PDE2A: variants seen among roughly 807,000 people sequenced by gnomAD.
The protein encoded by PDE2A is phosphodiesterase 2A, also known as cGMP-dependent 3',5'-cyclic phosphodiesterase.
A neutral mutation model predicts 133.6 loss-of-function variants in PDE2A; 53 were observed. That is an observed-to-expected ratio of 0.40 (90% confidence interval 0.32 to 0.50). The LOEUF (loss-of-function observed/expected upper bound fraction) is 0.50, where lower values mean the gene tolerates loss of function less well. Ranked by LOEUF, PDE2A falls within the 20% of genes least tolerant of loss-of-function variation. PDE2A has a pLI of 0.73. For missense variants in PDE2A, 796 were observed against 1,232.4 expected, an observed-to-expected ratio of 0.65 and a Z score of 5.30; for synonymous variants, 491 against 490.2, an observed-to-expected ratio of 1.00 and a Z score of -0.02.
At position 72,580,583 on chromosome 11, in the gene PDE2A, G is replaced by A. The variant is rs1194507850; in HGVS notation, c.2175C>T (p.Val725=). 1 of 1,568,026 alleles carries A rather than the reference G, an allele frequency of 6.4e-7. No homozygotes were observed. The highest frequency in any genetic ancestry group is 8.7e-7 in the Non-Finnish European group (1 of 1,155,168). ...TGGGACAGAAGAGTGATACCTCCAT[G>A]ACGGAGCCCTCAGAGCTGTAGAGCG... ...LAALYSSEGS[V]MERHHFAQAI... The change falls in exon 25 of 31, where the codon GTC becomes GTT. Residue 725 remains valine (V), a synonymous_variant. Coordinates refer to ENST00000334456, the MANE Select transcript of PDE2A (RefSeq NM_002599.5).
Position 72,597,689 on chromosome 11 carries a change from A to G in PDE2A, c.324-70T>C. ...GAGGAACGAGGCCTGGCCTGGGAAC[A>G]CAGGACAGTTTGGACCCTGCACATG... On this transcript the variant is annotated intron_variant, in intron 4 of 30. Coordinates refer to ENST00000334456, the MANE Select transcript of PDE2A (RefSeq NM_002599.5). The surrounding 1 kb of genome is among the most constrained non-coding windows in gnomAD (Gnocchi z 4.6). 1.9e-6 allele frequency: 2 copies of G among 1,054,998 alleles called. No individual in the cohort carries two copies. Among genetic ancestry groups the G allele is most frequent in the Non-Finnish European group, 1.4e-6 (1 of 696,038 alleles). The allele number at this position is 1,054,998 out of a possible 1,614,324, so 65.4% of individuals were successfully genotyped here. A position where few individuals can be genotyped will look rare whatever the true frequency, so the allele number is the denominator to read the frequency against.
At position 72,595,105 on chromosome 11, in the gene PDE2A, G is replaced by A. The variant is rs140318463; in HGVS notation, c.489+1488C>T. ...CCCAGCCTGAGCCAAGGTGAGCAGC[G>A]GCCATGGCAAGCATTCCGCCCACAA... On this transcript the variant is annotated intron_variant, in intron 6 of 30. Transcript: ENST00000334456. Among the ~76,000 whole-genome samples the A allele has an allele frequency of 4.7e-3, 712 of 152,078 alleles. 4 individuals carry two copies. The highest frequency in any genetic ancestry group is 0.016 in the African/African-American group (680 of 41,434).
At chr11:72,646,740 A>T (rs544254939) in intron 1 of PDE2A, among the ~76,000 whole-genome samples, 2 of 152,030 alleles carry the variant, frequency 1.3e-5, no homozygotes, top group Admixed American at 6.5e-5. Context: ...TGTACCCTGA[A>T]CCTCTGGCTT....
chr11:72,616,145 A>G (rs1857461111), intron 2 of PDE2A, among the ~76,000 whole-genome samples: 1 of 152,202 alleles, frequency 6.6e-6, no homozygotes, highest in Non-Finnish European at 1.5e-5. Context: ...TCAGTGTCAG[A>G]AGAGAGTTTA....
intron 26 of PDE2A, 23 bp downstream of exon 26, chr11:72,579,511 C>T (rs1263522058): frequency 1.4e-6 from 2 of 1,429,922 alleles, no homozygotes; most frequent in Non-Finnish European, 9.8e-7. Context: ...CCTCAATCCC[C>T]ACCCCACCCC....
At chr11:72,613,518 G>A (rs986669708) in intron 2 of PDE2A, among the ~76,000 whole-genome samples, 12 of 151,660 alleles carry the variant, frequency 7.9e-5, no homozygotes, top group African/African-American at 2.4e-4. Flanking sequence ...TCCCCCGGCC[G>A]ACGTCCACCT....
chr11:72,608,353 T>C (rs931725066), intron 3 of PDE2A, among the ~76,000 whole-genome samples: 2 of 152,156 alleles, frequency 1.3e-5, no homozygotes, highest in African/African-American at 4.8e-5. Context: ...CTCCACCACG[T>C]CCTGTTATCC....
intron 2 of PDE2A, among the ~76,000 whole-genome samples, chr11:72,623,843 C>G (rs1269436418): frequency 6.6e-6 from 1 of 152,130 alleles, no homozygotes; most frequent in East Asian, 1.9e-4. Flanking sequence ...ATTCCATTAA[C>G]ACAGGCACCA....
At chr11:72,630,477 G>C (rs1205187241) in intron 2 of PDE2A, among the ~76,000 whole-genome samples, 1 of 151,754 alleles carries the variant, frequency 6.6e-6, no homozygotes, top group Admixed American at 6.6e-5. Flanking sequence ...GATCCCCGAA[G>C]GATTTAGGAA....
intron 2 of PDE2A, among the ~76,000 whole-genome samples, chr11:72,632,353 G>T (rs80223015): frequency 0.01 from 1,543 of 152,252 alleles, 20 homozygotes; most frequent in African/African-American, 0.036. Flanking sequence ...TCTTAGCTGC[G>T]CCTGCAGCTG....
At chr11:72,639,551 T>A (rs3781926) in intron 2 of PDE2A, among the ~76,000 whole-genome samples, 1 of 151,930 alleles carries the variant, frequency 6.6e-6, no homozygotes, top group African/African-American at 2.4e-5. Flanking sequence ...CTGCGCCGTA[T>A]GCCTCCCCTC....
chr11:72,673,898 G>A (rs1855442180), intron 1 of PDE2A, among the ~76,000 whole-genome samples: 1 of 152,030 alleles, frequency 6.6e-6, no homozygotes, highest in South Asian at 2.1e-4. Context: ...CCTTCCATGG[G>A]ACCCCAGCCT....
intron 1 of PDE2A, among the ~76,000 whole-genome samples, chr11:72,661,250 G>A (rs902572853): frequency 6.6e-6 from 1 of 152,034 alleles, no homozygotes. Flanking sequence ...GGTTGCAGTG[G>A]GCCAGGATAG....
At chr11:72,649,428 A>T (rs1854660769) in intron 1 of PDE2A, 1 of 152,224 alleles carries the variant, frequency 6.6e-6, no homozygotes, top group Admixed American at 6.5e-5. Flanking sequence ...GCAGAGACTG[A>T]ATCTGATTCA....
In PDE2A at chr11:72,597,542, C is replaced by T; in HGVS notation, c.401G>A (p.Arg134Lys). 1.9e-6 allele frequency: 3 copies of T among 1,610,826 alleles called. No individual in the cohort carries two copies. Among genetic ancestry groups the T allele is most frequent in the Non-Finnish European group, 2.5e-6 (3 of 1,179,804 alleles). Residue 134 changes from arginine to lysine, a missense_variant, in exon 5 of 31, where the codon AGG becomes AAG. By Grantham distance (26) the Arg-to-Lys change is conservative (BLOSUM62 2). This residue lies in a region of PDE2A where 417 missense variants were observed against 475.3 expected (regional missense o/e 0.88). Transcript: ENST00000334456. The surrounding 1 kb of genome is among the most constrained non-coding windows in gnomAD (Gnocchi z 4.6). ...FSDLPGKPLA[R>K]LVAPLAPDTQ... ...ATCAGGAGCCAGTGGAGCCACCAGC[C>T]TGGCCAAGGGCTTCCCTGGCAGGTC...
At chr11:72,598,849 G>T (rs991764574) in intron 4 of PDE2A, 4 of 985,222 alleles carry the variant, frequency 4.1e-6, no homozygotes, top group Non-Finnish European at 4.8e-6. Flanking sequence ...GGAACCGGTG[G>T]TGTCTCCCAC....
chr11:72,674,168 G>T lies in PDE2A; in HGVS notation c.40C>A (p.Gln14Lys). The change falls in exon 1 of 31, where the codon CAG becomes AAG. Residue 14 changes from glutamine to lysine, a missense_variant. Gln to Lys is a moderately conservative substitution (Grantham distance 53, BLOSUM62 1). Transcript: ENST00000334456. Reference protein sequence around the residue: ...ACGHSILCRSQQYPAARPAEP... With the variant: ...ACGHSILCRSKQYPAARPAEP... ...GCCGGTCGCGCTGCCGGGTACTGCT[G>T]GCTCCTGCAGAGGATGGAGTGGCCG... 1.2e-6 allele frequency: 2 copies of T among 1,612,872 alleles called. No homozygotes were observed.
At chr11:72,654,178 C>T (rs1174385661) in intron 1 of PDE2A, among the ~76,000 whole-genome samples, 1 of 152,176 alleles carries the variant, frequency 6.6e-6, no homozygotes, top group Non-Finnish European at 1.5e-5. Flanking sequence ...TGAGGACCCA[C>T]CAGTGACCGG....
intron 17 of PDE2A, 52 bp from the exon 18 acceptor site, chr11:72,584,780 G>T (rs772895343): frequency 6.2e-7 from 1 of 1,610,878 alleles, no homozygotes; most frequent in African/African-American, 1.3e-5. Context: ...CCCGGCCACA[G>T]AGGGGACTGT....
Sources: gnomAD v4.1 joint callset for allele counts (sites outside exome capture counted in the v4.1 genomes callset) on GRCh38, gnomAD v4.1.1 for gene constraint, gnomAD v4.1.1 regional missense constraint, Gnocchi (gnomAD v3.1) non-coding constraint, MANE v1.5 for transcripts, NCBI Gene and HGNC (gene_info 2026-07-23, HGNC 2026-07-21) for gene names.